The following STON1 variants were observed in gnomAD, a reference collection of about 807,000 sequenced individuals.
STON1 encodes the protein stonin-1.
STON1 carries 79 observed loss-of-function variants against 60.9 expected under a neutral mutation model. The observed-to-expected ratio is 1.30, with a 90% CI of 1.08 to 1.56. The LOEUF is 1.56. Ranked by LOEUF, STON1 falls within the 40% of genes most tolerant of loss-of-function variation. The probability of loss-of-function intolerance (pLI) is 0.00; values close to 1 mark genes in which losing one functional copy is unlikely to be tolerated. For missense variants in STON1, 1,166 were observed against 858.9 expected, an observed-to-expected ratio of 1.36 and a Z score of -4.47; for synonymous variants, 363 against 306.9, an observed-to-expected ratio of 1.18 and a Z score of -1.91.
chr2:48,544,744 A>C (rs1453491708), intron 1 of STON1, among the ~76,000 whole-genome samples: 1 of 152,030 alleles, frequency 6.6e-6, no homozygotes, highest in East Asian at 1.9e-4. Context: ...CAGGGGTTTC[A>C]CCGTGCTGGC....
At chr2:48,572,975 C>T (rs1673294521) in intron 1 of STON1, among the ~76,000 whole-genome samples, 1 of 152,328 alleles carries the variant, frequency 6.6e-6, no homozygotes, top group South Asian at 2.1e-4. Context: ...TTTTTGTGCC[C>T]TCAGGAATGT....
In STON1 at chr2:48,581,555, C is replaced by G. The variant is rs755184115; in HGVS notation, c.922C>G (p.Gln308Glu). The stretch of plus-strand genomic sequence containing the variant: ...GAAAGTTTTGCCTGGAGGAATTTTG[C>G]AGATGTATTATGAACAGGGATTAGA... ...FLKVLPGGILQMYYEQGLEKP... is the reference protein window; with the variant it reads ...FLKVLPGGILEMYYEQGLEKP... The change falls in exon 2 of 4, where the codon CAG (glutamine) becomes GAG (glutamate). Residue 308 changes from glutamine to glutamate, a missense_variant. By Grantham distance (29) the Gln-to-Glu change is conservative. Transcript: ENST00000404752. 7 of 1,614,036 alleles carry G rather than the reference C, an allele frequency of 4.3e-6. No individual in the cohort carries two copies. Among genetic ancestry groups the G allele is most frequent in the Non-Finnish European group, 5.1e-6 (6 of 1,180,030 alleles).
intron 1 of STON1, among the ~76,000 whole-genome samples, chr2:48,565,272 T>G (rs1378071444): frequency 1.3e-5 from 2 of 151,702 alleles, no homozygotes; most frequent in Non-Finnish European, 2.9e-5. Flanking sequence ...CAGGATGGTC[T>G]CGATCTCCTG....
At position 48,595,318 on chromosome 2, in the gene STON1, A is replaced by T. The variant is rs1298264319; in HGVS notation, c.*16A>T. The T allele has an allele frequency of 3.7e-6, 6 of 1,604,924 alleles. No individual in the cohort carries two copies. The South Asian group carries it at 5.5e-5, about 15-fold the overall frequency. Reference sequence around the variant, plus strand: ...AACTCAGTAGGAGTAGCAAGAGTTTATGATGACAGCCCACTTGTCAAATAT... The same window carrying T: ...AACTCAGTAGGAGTAGCAAGAGTTTTTGATGACAGCCCACTTGTCAAATAT... On this transcript the variant is annotated 3_prime_UTR_variant, in exon 4 of 4. Transcript: ENST00000404752.
chr2:48,563,585 T>C (rs1444544334), intron 1 of STON1, among the ~76,000 whole-genome samples: 1 of 152,156 alleles, frequency 6.6e-6, no homozygotes, highest in Non-Finnish European at 1.5e-5. Context: ...TGTCCAGAGG[T>C]AAAGGTGGAC....
At position 48,557,179 on chromosome 2, in the gene STON1, G is replaced by A. The variant is rs1479141869; in HGVS notation, c.-47-23408G>A. Among the ~76,000 whole-genome samples, 45 of 79,714 alleles carry A rather than the reference G, an allele frequency of 5.6e-4. 4 individuals carry two copies. In the South Asian group the frequency reaches 0.014, roughly 24 times the overall value. 52.3% of individuals were successfully genotyped at this position (79,714 alleles called of 152,430 possible). On this transcript the variant is annotated intron_variant, in intron 1 of 3. Coordinates refer to ENST00000404752, the MANE Select transcript of STON1 (RefSeq NM_006873.4). ...CGGAGACGCTCCTCACTTCTCAGAC[G>A]GGGCAGCTGCCGGGCGGAGGGGCTC...
intron 1 of STON1, among the ~76,000 whole-genome samples, chr2:48,564,480 T>TTCTTCTTCTTCTTCTTCTTCTTCTTCTTC (rs1558604783): frequency 6.2e-5 from 2 of 32,494 alleles, no homozygotes; most frequent in African/African-American, 2.3e-4. Flanking sequence ...CTTCTTCTTC[T>TTCTTCTTCTTCTTCTTCTTCTTCTTCTTC]TTCTTCTTCT....
At position 48,597,288 on chromosome 2, in the gene STON1, G is replaced by GT. The variant is rs2103977199; in HGVS notation, c.*1987dup. Reference sequence around the variant, plus strand: ...TTCTACCATCTTTCTTTATCATCTGGTGTGGGCGCACTCTACAGTGACTTC... The same window carrying GT: ...TTCTACCATCTTTCTTTATCATCTGGTTGTGGGCGCACTCTACAGTGACTTC... On this transcript the variant is annotated 3_prime_UTR_variant, in exon 4 of 4. Coordinates refer to ENST00000404752, the MANE Select transcript of STON1 (RefSeq NM_006873.4). 1 of 152,218 alleles carries GT rather than the reference G, an allele frequency of 6.6e-6. No homozygotes were observed. The highest frequency in any genetic ancestry group is 2.4e-5 in the African/African-American group (1 of 41,512). The allele number at this position is 152,218 out of a possible 1,614,324, so 9.4% of individuals were successfully genotyped here.
intron 1 of STON1, among the ~76,000 whole-genome samples, chr2:48,566,839 G>C (rs1354418730): frequency 6.6e-6 from 1 of 152,202 alleles, no homozygotes; most frequent in Non-Finnish European, 1.5e-5. Flanking sequence ...TGGTGTTGTG[G>C]TGGTGTGGCC....
At position 48,597,631 on chromosome 2, in the gene STON1, C is replaced by G. The variant is rs542258104; in HGVS notation, c.*2329C>G. On this transcript the variant is annotated 3_prime_UTR_variant, in exon 4 of 4. Transcript: ENST00000404752. ...AGATTCAGTCTTGACAATATAATAG[C>G]AAAAGCTGGACTAAAGCCCAAATGG... 1 of 152,740 alleles carries G rather than the reference C, an allele frequency of 6.5e-6. No homozygotes were observed. Among genetic ancestry groups the G allele is most frequent in the African/African-American group, 2.4e-5 (1 of 41,578 alleles). The allele number at this position is 152,740 out of a possible 1,614,324, so 9.5% of individuals were successfully genotyped here.
At chr2:48,540,410 C>A (rs1671607054) in intron 1 of STON1, among the ~76,000 whole-genome samples, 1 of 152,144 alleles carries the variant, frequency 6.6e-6, no homozygotes, top group African/African-American at 2.4e-5. Flanking sequence ...AGTGTTGATG[C>A]ACCCAATGCC....
intron 1 of STON1, among the ~76,000 whole-genome samples, chr2:48,552,960 G>A (rs1672163605): frequency 6.6e-6 from 1 of 152,122 alleles, no homozygotes; most frequent in African/African-American, 2.4e-5. Flanking sequence ...TCATGTAGTT[G>A]CAGCCTGATG....
intron 1 of STON1, among the ~76,000 whole-genome samples, chr2:48,550,032 C>A (rs947050196): frequency 2.0e-5 from 3 of 150,152 alleles, no homozygotes; most frequent in Non-Finnish European, 4.4e-5. Context: ...AGGGCAGTGG[C>A]CCCCTGGGCA....
chr2:48,532,327 C>G (rs189651365), intron 1 of STON1, among the ~76,000 whole-genome samples: 1 of 148,114 alleles, frequency 6.8e-6, no homozygotes, highest in Non-Finnish European at 1.5e-5. Context: ...CCATCCTGGG[C>G]GACACAGCAA....
At chr2:48,594,040 T>G (rs1026616832) in intron 3 of STON1, among the ~76,000 whole-genome samples, 4 of 152,164 alleles carry the variant, frequency 2.6e-5, no homozygotes, top group African/African-American at 9.7e-5. Flanking sequence ...CAGCCCAGCT[T>G]CAGCTCTCCA....
chr2:48,564,421 T>C (rs1672750332), intron 1 of STON1, among the ~76,000 whole-genome samples: 1 of 39,494 alleles, frequency 2.5e-5, no homozygotes, highest in African/African-American at 8.9e-5. Flanking sequence ...TTCTTCTTCT[T>C]CTTCTTCTTC....
At chr2:48,535,404 CCCA>C (rs1671383835) in intron 1 of STON1, among the ~76,000 whole-genome samples, 1 of 152,102 alleles carries the variant, frequency 6.6e-6, no homozygotes, top group South Asian at 2.1e-4. Context: ...GGAAAAAATG[CCCA>C]CATCCTGTAC....
chr2:48,575,602 G>A (rs771675785), intron 1 of STON1, among the ~76,000 whole-genome samples: 2 of 151,904 alleles, frequency 1.3e-5, no homozygotes, highest in East Asian at 1.9e-4. Flanking sequence ...GCGGTGAGCC[G>A]AGATTGCGTC....
Position 48,560,577 on chromosome 2 carries a change from T to G in STON1, c.-47-20010T>G, listed in dbSNP as rs75409161. The stretch of plus-strand genomic sequence containing the variant: ...TTCTGAAGGCCAGGGGTGGGCTACA[T>G]TTTTTGGAGAGTAGGAAGCCCAGGG... On this transcript the variant is annotated intron_variant, in intron 1 of 3. Transcript: ENST00000404752. Among the ~76,000 whole-genome samples, 19 of 152,300 alleles carry G rather than the reference T, an allele frequency of 1.2e-4. No individual in the cohort carries two copies. The East Asian group carries it at 3.7e-3, about 29-fold the overall frequency.
Sources: allele counts gnomAD v4.1 joint callset (sites outside exome capture counted in the v4.1 genomes callset), GRCh38; gene constraint gnomAD v4.1.1; transcripts MANE v1.5; gene names NCBI Gene and HGNC (gene_info 2026-07-23, HGNC 2026-07-21).